The following MCM6 variants were observed in gnomAD, a reference collection of about 807,000 sequenced individuals.
The protein encoded by MCM6 is DNA replication licensing factor MCM6.
Under a neutral mutation model 94.3 loss-of-function variants are expected in MCM6, and 46 were observed. The observed-to-expected ratio is 0.49, with a 90% confidence interval of 0.39 to 0.62. The LOEUF (loss-of-function observed/expected upper bound fraction) is 0.62, where lower values mean the gene tolerates loss of function less well. Ranked by LOEUF, MCM6 falls within the 20% of genes least tolerant of loss-of-function variation. The pLI is 0.00. For synonymous variants in MCM6, 335 were observed against 351.9 expected, an observed-to-expected ratio of 0.95 and a Z score of 0.54; for missense variants, 865 against 1,017.9, an observed-to-expected ratio of 0.85 and a Z score of 2.04.
intron 7 of MCM6, among the ~76,000 whole-genome samples, chr2:135,863,644 C>T (rs1260607198): frequency 1.3e-5 from 2 of 152,022 alleles, no homozygotes; most frequent in African/African-American, 4.8e-5. Context: ...GGTGGGGAAT[C>T]GTTTAAGCCC....
chr2:135,843,612 C>T (rs902801759), intron 16 of MCM6, among the ~76,000 whole-genome samples: 3 of 150,912 alleles, frequency 2.0e-5, no homozygotes, highest in Admixed American at 6.6e-5. Flanking sequence ...TGGTGGCCGG[C>T]GCCTGTAATC....
rs1034746061 is a variant in MCM6 at position 135,858,902 on chromosome 2, G to T, written c.1362+399C>A. Among the ~76,000 whole-genome samples, 14 of 151,848 alleles carry T rather than the reference G, an allele frequency of 9.2e-5. No individual in the cohort carries two copies. The East Asian group carries it at 2.1e-3, about 23-fold the overall frequency. On this transcript the variant is annotated intron_variant, in intron 9 of 16. Transcript: ENST00000264156. The stretch of plus-strand genomic sequence containing the variant: ...AGAATGCTGGGTTTTTTTTGTTTTG[G>T]TTTTTTTGAGACAGAGTCTCGCTCT...
At chr2:135,859,824 G>T (rs1037200183) in intron 8 of MCM6, among the ~76,000 whole-genome samples, 26 of 151,700 alleles carry the variant, frequency 1.7e-4, no homozygotes, top group African/African-American at 6.3e-4. Context: ...TTTTAATTGA[G>T]ACACAGTCTT....
intron 11 of MCM6, 67 bp downstream of exon 11, chr2:135,856,661 G>T: frequency 2.0e-6 from 3 of 1,522,232 alleles, no homozygotes; most frequent in Non-Finnish European, 1.8e-6. Context: ...GTTGAGCAGT[G>T]TATCTTCCAG....
intron 11 of MCM6, 29 bp from the exon 12 acceptor site, chr2:135,852,944 T>TA: frequency 6.4e-7 from 1 of 1,569,604 alleles, no homozygotes; most frequent in Non-Finnish European, 8.6e-7. Flanking sequence ...ATCACTTTGA[T>TA]AGTCACAGCA....
intron 2 of MCM6, among the ~76,000 whole-genome samples, chr2:135,872,243 C>T (rs1432606962): frequency 6.6e-6 from 1 of 152,010 alleles, no homozygotes; most frequent in Non-Finnish European, 1.5e-5. Context: ...ATCAGGAGTT[C>T]GAGACCAGCC....
At chr2:135,866,812 C>T (rs4988173) in intron 4 of MCM6, 84 bp from the exon 5 acceptor site, 34,096 of 1,157,266 alleles carry the variant, frequency 0.029, 1,243 homozygotes, top group African/African-American at 0.16. Flanking sequence ...ACCACAAATA[C>T]GGACGTATTC....
At chr2:135,860,011 C>G (rs1253508626) in intron 8 of MCM6, among the ~76,000 whole-genome samples, 1 of 152,196 alleles carries the variant, frequency 6.6e-6, no homozygotes, top group East Asian at 1.9e-4. Flanking sequence ...ACCATGTTGG[C>G]CAGGCTGGTC....
intron 13 of MCM6, among the ~76,000 whole-genome samples, chr2:135,850,224 C>T (rs1476169819): frequency 1.3e-5 from 2 of 152,164 alleles, no homozygotes; most frequent in African/African-American, 2.4e-5. Flanking sequence ...CCTGAGTCCT[C>T]CTCCTTCTTT....
At chr2:135,845,354 T>C (rs1204146556) in intron 15 of MCM6, among the ~76,000 whole-genome samples, 1 of 152,144 alleles carries the variant, frequency 6.6e-6, no homozygotes, top group Non-Finnish European at 1.5e-5. Flanking sequence ...AACTTACTTG[T>C]ATGAGGGAGA....
chr2:135,857,034 T>C (rs1421369686), intron 10 of MCM6, 151 bp from the exon 11 acceptor site: 8 of 675,122 alleles, frequency 1.2e-5, no homozygotes, highest in Non-Finnish European at 1.5e-5. Context: ...CTATGTGATT[T>C]TGGTGGTATG....
chr2:135,868,635 T>C lies in MCM6; in HGVS notation c.591A>G (p.Lys197=). The change falls in exon 4 of 17, where the codon AAA becomes AAG. Residue 197 remains lysine, a synonymous_variant. Transcript: ENST00000264156. The part of the protein sequence containing the change: ...NRRRFLLDTN[K]SRFVDFQKVR... ...CCTTTTGAAAATCAACAAATCTTGA[T>C]TTATTTGTATCCAGTAAGAATCTCC... The C allele has an allele frequency of 6.2e-7, 1 of 1,613,972 alleles. No individual in the cohort carries two copies. The highest frequency in any genetic ancestry group is 8.5e-7 in the Non-Finnish European group (1 of 1,179,834).
At chr2:135,850,972 T>C (rs869122273) in intron 13 of MCM6, among the ~76,000 whole-genome samples, 3 of 152,204 alleles carry the variant, frequency 2.0e-5, no homozygotes, top group African/African-American at 7.2e-5. Flanking sequence ...ACCTCGTTAA[T>C]ACCCACTGAC....
intron 8 of MCM6, among the ~76,000 whole-genome samples, 161 bp downstream of exon 8, chr2:135,862,446 T>C (rs1680013971): frequency 6.6e-6 from 1 of 152,184 alleles, no homozygotes; most frequent in Admixed American, 6.5e-5. Context: ...TCTAAAAAAT[T>C]GTACAATGTT....
chr2:135,859,122 G>A (rs1252736907), intron 9 of MCM6, among the ~76,000 whole-genome samples, 179 bp downstream of exon 9: 1 of 152,136 alleles, frequency 6.6e-6, no homozygotes, highest in Non-Finnish European at 1.5e-5. Flanking sequence ...TCGAACTCCT[G>A]ACCTCAGGTG....
intron 13 of MCM6, 46 bp downstream of exon 13, chr2:135,851,356 A>C: frequency 6.6e-7 from 1 of 1,511,118 alleles, no homozygotes; most frequent in African/African-American, 1.4e-5. Flanking sequence ...AACATGCAAC[A>C]AATCTGTTTA....
intron 16 of MCM6, among the ~76,000 whole-genome samples, chr2:135,842,950 GATTTAT>G (rs1468899785): frequency 6.6e-6 from 1 of 152,162 alleles, no homozygotes; most frequent in East Asian, 1.9e-4. Flanking sequence ...AAAATAATCT[GATTTAT>G]ATTTTAAAAA....
At chr2:135,873,826 A>C (rs1161360336) in intron 1 of MCM6, among the ~76,000 whole-genome samples, 1 of 146,160 alleles carries the variant, frequency 6.8e-6, no homozygotes, top group Admixed American at 7.2e-5. Context: ...AATAGAAACT[A>C]ATTCTGCCTA....
chr2:135,875,142 G>GA (rs1194935652), intron 1 of MCM6, among the ~76,000 whole-genome samples: 1 of 152,206 alleles, frequency 6.6e-6, no homozygotes, highest in Non-Finnish European at 1.5e-5. Flanking sequence ...CAGGCGGGGG[G>GA]ATCACCTGAG....
Sources: allele counts gnomAD v4.1 joint callset (sites outside exome capture counted in the v4.1 genomes callset), GRCh38; gene constraint gnomAD v4.1.1; transcripts MANE v1.5; gene names NCBI Gene and HGNC (gene_info 2026-07-23, HGNC 2026-07-21).